The following HBD variants were observed in gnomAD, a reference collection of about 807,000 sequenced individuals.
HBD encodes the protein hemoglobin subunit delta.
In HBD, 11 loss-of-function variants were observed where a neutral mutation model predicts 9.2. The ratio of observed to expected loss-of-function variants is 1.20; its 90% confidence interval spans 0.76 to 1.99. The LOEUF is 1.99. Ranked by LOEUF, HBD falls within the 30% of genes most tolerant of loss-of-function variation. The pLI, the probability that HBD is intolerant of heterozygous loss-of-function variation, is 0.00. For missense variants in HBD, 189 were observed against 174.3 expected, an observed-to-expected ratio of 1.08 and a Z score of -0.47; for synonymous variants, 83 against 69.4, an observed-to-expected ratio of 1.20 and a Z score of -0.98.
chr11:5,233,312 C>G (rs188907622), intron 2 of HBD, among the ~76,000 whole-genome samples: 8 of 152,056 alleles, frequency 5.3e-5, no homozygotes, highest in Admixed American at 3.9e-4. Context: ...AGCATGTAGT[C>G]TATATATGTA....
chr11:5,233,927 T>C (rs1197538984), intron 2 of HBD, 64 bp downstream of exon 2: 4 of 1,453,216 alleles, frequency 2.8e-6, no homozygotes, highest in East Asian at 4.5e-5. Flanking sequence ...AGCAGGTAGG[T>C]AAAAGAACCA....
Position 5,232,968 on chromosome 11 carries a change from T to A in HBD, c.440A>T (p.His147Leu), listed in dbSNP as rs34149886. The change falls in exon 3 of 3, where the codon CAT (histidine) becomes CTT (leucine). Residue 147 changes from histidine to leucine, a missense_variant. Coordinates refer to ENST00000650601, the MANE Select transcript of HBD (RefSeq NM_000519.4). Reference protein sequence around the residue: ...GVANALAHKYH With the variant: ...GVANALAHKYL ...ATCAGGAAACAGTCCAGGATCTCAA[T>A]GGTACTTGTGAGCCAGGGCATTAGC... The A allele has an allele frequency of 1.2e-6, 2 of 1,614,084 alleles. No homozygotes were observed. Among genetic ancestry groups the A allele is most frequent in the East Asian group, 2.2e-5 (1 of 44,888 alleles).
intron 2 of HBD, among the ~76,000 whole-genome samples, chr11:5,233,667 A>G (rs1847698270): frequency 1.3e-5 from 2 of 152,092 alleles, no homozygotes; most frequent in Non-Finnish European, 2.9e-5. Context: ...TCCCATACCC[A>G]TGTGGAGAGA....
Position 5,234,337 on chromosome 11 carries a change from C to A in HBD, c.92+5G>T. The A allele has an allele frequency of 1.9e-6, 3 of 1,613,224 alleles. No individual in the cohort carries two copies. Among genetic ancestry groups the A allele is most frequent in the Middle Eastern group, 1.7e-4 (1 of 6,060 alleles). ...TTGAGCCTCTCTTATAACCTTGATACCAACCTGCCCAGGGCCTCACCACCA... is the reference window on the plus strand; with the variant it reads ...TTGAGCCTCTCTTATAACCTTGATAACAACCTGCCCAGGGCCTCACCACCA... On this transcript the variant is annotated splice_donor_5th_base_variant and intron_variant, in intron 1 of 2. Transcript: ENST00000650601.
chr11:5,234,427 G>T lies in HBD; in HGVS notation c.7C>A (p.His3Asn), dbSNP rs281864510. 1.4e-5 allele frequency: 23 copies of T among 1,611,014 alleles called. No homozygotes were observed. The South Asian group carries it at 2.5e-4, about 18-fold the overall frequency. Reference sequence around the variant, plus strand: ...GCAGTCTTCTCCTCAGGAGTCAGATGCACCATGGTGTCTGTTTGAGGTTGC... The same window carrying T: ...GCAGTCTTCTCCTCAGGAGTCAGATTCACCATGGTGTCTGTTTGAGGTTGC... MVHLTPEEKTAVN... is the reference protein window; with the variant it reads MVNLTPEEKTAVN... Residue 3 changes from histidine (H) to asparagine (N), a missense_variant, in exon 1 of 3, where the codon CAT becomes AAT. Coordinates refer to ENST00000650601, the MANE Select transcript of HBD (RefSeq NM_000519.4).
In HBD at chr11:5,233,230, A is replaced by G. The variant is rs960004686; in HGVS notation, c.316-138T>C. ...TGATCCCCAGGTTATTCCCATCAGC[A>G]TAAATAAGTACATATATGAATGCAT... On this transcript the variant is annotated intron_variant, in intron 2 of 2. Coordinates refer to ENST00000650601, the MANE Select transcript of HBD (RefSeq NM_000519.4). 8 of 789,578 alleles carry G rather than the reference A, an allele frequency of 1.0e-5. No homozygotes were observed. The Admixed American group carries it at 1.4e-4, about 14-fold the overall frequency. 48.9% of individuals were successfully genotyped at this position (789,578 alleles called of 1,614,324 possible).
chr11:5,232,867 G>C lies in HBD; in HGVS notation c.*97C>G. On this transcript the variant is annotated 3_prime_UTR_variant, in exon 3 of 3. Coordinates refer to ENST00000650601, the MANE Select transcript of HBD (RefSeq NM_000519.4). ...GCTGAACATTCTTTATTAGGCAGAAGCCATACCCTTGAAGTAGGCATTGTG... is the reference window on the plus strand; with the variant it reads ...GCTGAACATTCTTTATTAGGCAGAACCCATACCCTTGAAGTAGGCATTGTG... 6.2e-7 allele frequency: 1 copy of C among 1,613,186 alleles called. No homozygotes were observed. The highest frequency in any genetic ancestry group is 1.1e-5 in the South Asian group (1 of 91,064).
rs757876158 is a variant in HBD at position 5,232,985 on chromosome 11, G to C, written c.423C>G (p.Ala141=). Residue 141 remains alanine (A), a synonymous_variant, in exon 3 of 3, where the codon GCC becomes GCG. Coordinates refer to ENST00000650601, the MANE Select transcript of HBD (RefSeq NM_000519.4). Reference sequence around the variant, plus strand: ...GATCTCAATGGTACTTGTGAGCCAGGGCATTAGCCACACCAGCCACCACCT... The same window carrying C: ...GATCTCAATGGTACTTGTGAGCCAGCGCATTAGCCACACCAGCCACCACCT... The part of the protein sequence containing the change: ...YQKVVAGVAN[A]LAHKYH The C allele has an allele frequency of 1.4e-5, 23 of 1,613,844 alleles. No homozygotes were observed. Among genetic ancestry groups the C allele is most frequent in the Non-Finnish European group, 1.9e-5 (22 of 1,179,946 alleles).
rs561677601 is a variant in HBD at position 5,233,814 on chromosome 11, T to G, written c.315+177A>C. On this transcript the variant is annotated intron_variant, in intron 2 of 2. Transcript: ENST00000650601. Reference sequence around the variant, plus strand: ...TATTAAATAATTTAAAATAGCAAGATTGTGAGGAAGGAAAAAATGCAGAAT... The same window carrying G: ...TATTAAATAATTTAAAATAGCAAGAGTGTGAGGAAGGAAAAAATGCAGAAT... Among the ~76,000 whole-genome samples, 4 of 151,316 alleles carry G rather than the reference T, an allele frequency of 2.6e-5. No homozygotes were observed. The East Asian group carries it at 7.8e-4, about 29-fold the overall frequency.
intron 2 of HBD, 71 bp downstream of exon 2, chr11:5,233,920 A>G: frequency 8.1e-7 from 1 of 1,227,024 alleles, no homozygotes. Flanking sequence ...GGAGAAGAGC[A>G]GGTAGGTAAA....
chr11:5,233,543 C>T (rs1373372357), intron 2 of HBD, among the ~76,000 whole-genome samples: 3 of 152,148 alleles, frequency 2.0e-5, no homozygotes, highest in African/African-American at 7.2e-5. Flanking sequence ...TATTCACTTT[C>T]CTTTCCATTC....
At position 5,233,066 on chromosome 11, in the gene HBD, C is replaced by G. The variant is rs1365529892; in HGVS notation, c.342G>C (p.Val114=). ...ATTCCTTGCCAAAGTTGCGGGCCAGCACACACACCAGCACATTGCCCAAGA... is the reference window on the plus strand; with the variant it reads ...ATTCCTTGCCAAAGTTGCGGGCCAGGACACACACCAGCACATTGCCCAAGA... ...FRLLGNVLVC[V]LARNFGKEFT... is the part of the protein sequence containing the mutation. Residue 114 remains valine (V), a synonymous_variant, in exon 3 of 3, where the codon GTG becomes GTC. Coordinates refer to ENST00000650601, the MANE Select transcript of HBD (RefSeq NM_000519.4). 2 of 1,613,892 alleles carry G rather than the reference C, an allele frequency of 1.2e-6. No individual in the cohort carries two copies. Among genetic ancestry groups the G allele is most frequent in the African/African-American group, 2.7e-5 (2 of 74,900 alleles).
At position 5,234,233 on chromosome 11, in the gene HBD, C is replaced by T. The variant is rs763612563; in HGVS notation, c.93-20G>A. 1 of 1,609,728 alleles carries T rather than the reference C, an allele frequency of 6.2e-7. No homozygotes were observed. Among genetic ancestry groups the T allele is most frequent in the South Asian group, 1.1e-5 (1 of 91,002 alleles). ...AGTAATCTGAGGGTAGGAAAACAGC[C>T]CAAGGGACAGAGAGTCAGTGCCTAT... On this transcript the variant is annotated intron_variant, in intron 1 of 2. Transcript: ENST00000650601.
At position 5,234,049 on chromosome 11, in the gene HBD, A is replaced by G. The variant is rs35633566; in HGVS notation, c.257T>C (p.Phe86Ser). ...LAHLDNLKGT[F>S]SQLSELHCDK... is the part of the protein sequence containing the mutation. Reference sequence around the variant, plus strand: ...ACAGTGCAGCTCACTCAGCTGAGAAAAAGTGCCCTTGAGGTTGTCCAGGTG... The same window carrying G: ...ACAGTGCAGCTCACTCAGCTGAGAAGAAGTGCCCTTGAGGTTGTCCAGGTG... Residue 86 changes from phenylalanine (F) to serine (S), a missense_variant, in exon 2 of 3, where the codon TTT becomes TCT. Phe to Ser is a radical substitution (Grantham distance 155). Transcript: ENST00000650601. 6.2e-7 allele frequency: 1 copy of G among 1,614,108 alleles called. No individual in the cohort carries two copies. Among genetic ancestry groups the G allele is most frequent in the Non-Finnish European group, 8.5e-7 (1 of 1,180,004 alleles).
At position 5,232,970 on chromosome 11, in the gene HBD, G is replaced by C. The variant is rs773323524; in HGVS notation, c.438C>G (p.Tyr146Ter). 3.7e-6 allele frequency: 6 copies of C among 1,613,890 alleles called. No individual in the cohort carries two copies. In the South Asian group the frequency reaches 6.6e-5, roughly 18 times the overall value. Residue 146 changes from tyrosine (Y) to a stop codon, truncating the protein, a stop_gained, in exon 3 of 3, where the codon TAC (tyrosine) becomes TAG (stop). Transcript: ENST00000650601. LOFTEE classifies it high-confidence loss of function. The stretch of plus-strand genomic sequence containing the variant: ...CAGGAAACAGTCCAGGATCTCAATG[G>C]TACTTGTGAGCCAGGGCATTAGCCA... Reference protein sequence around the residue: ...AGVANALAHKYH With the variant: ...AGVANALAHK
Position 5,234,009 on chromosome 11 carries a change from C to A in HBD, c.297G>T (p.Val99=). The change falls in exon 2 of 3, where the codon GTG becomes GTT. Residue 99 remains valine, a synonymous_variant. Transcript: ENST00000650601. ...GACTCACCCTGAAGTTCTCAGGATC[C>A]ACGTGCAGCTTGTCACAGTGCAGCT... ...LSELHCDKLH[V]DPENFRLLGN... The A allele has an allele frequency of 6.2e-7, 1 of 1,613,948 alleles. No homozygotes were observed. The highest frequency in any genetic ancestry group is 8.5e-7 in the Non-Finnish European group (1 of 1,179,922).
chr11:5,233,206 G>A (rs1318751591), intron 2 of HBD, 114 bp from the exon 3 acceptor site: 1 of 993,180 alleles, frequency 1.0e-6, no homozygotes, highest in Non-Finnish European at 1.6e-6. Context: ...AGACAAAACT[G>A]ATCCCCAGGT....
chr11:5,233,132 CAG>C, intron 2 of HBD, 40 bp from the exon 3 acceptor site: 1 of 1,612,270 alleles, frequency 6.2e-7, no homozygotes, highest in African/African-American at 1.3e-5. Flanking sequence ...ATATGGTTAA[CAG>C]AGAAATAAAG....
chr11:5,233,543 C>G (rs1373372357), intron 2 of HBD, among the ~76,000 whole-genome samples: 1 of 152,148 alleles, frequency 6.6e-6, no homozygotes, highest in African/African-American at 2.4e-5. Flanking sequence ...TATTCACTTT[C>G]CTTTCCATTC....
Sources: gnomAD v4.1 joint callset for allele counts (sites outside exome capture counted in the v4.1 genomes callset) on GRCh38, gnomAD v4.1.1 for gene constraint, MANE v1.5 for transcripts, NCBI Gene and HGNC (gene_info 2026-07-23, HGNC 2026-07-21) for gene names.